The following DYSF variants were observed in gnomAD, a reference collection of about 807,000 sequenced individuals.
The protein encoded by DYSF is dystrophy-associated fer-1-like 1.
A neutral mutation model predicts 274.9 loss-of-function variants in DYSF; 212 were observed. The ratio of observed to expected loss-of-function variants is 0.77; its 90% CI spans 0.69 to 0.86. The LOEUF is 0.86. Among genes scored for constraint, DYSF ranks in the 40% least tolerant of loss-of-function variants. The pLI is 0.00. For synonymous variants in DYSF, 1,091 were observed against 1,078.7 expected, an observed-to-expected ratio of 1.01 and a Z score of -0.22; for missense variants, 2,666 against 2,783.2, an observed-to-expected ratio of 0.96 and a Z score of 0.95.
At position 71,570,466 on chromosome 2, in the gene DYSF, C is replaced by G; in HGVS notation, c.3085+132C>G. The stretch of plus-strand genomic sequence containing the variant: ...GGACGCTTCTTGAAGGCACCCCCCA[C>G]TCCAAGCTGCAAATTAGGACCGAGA... On this transcript the variant is annotated intron_variant, in intron 28 of 55. Transcript: ENST00000410020. The G allele has an allele frequency of 2.8e-6, 4 of 1,444,576 alleles. No homozygotes were observed. The East Asian group carries it at 7.3e-5, about 26-fold the overall frequency. 89.5% of individuals were successfully genotyped at this position (1,444,576 alleles called of 1,614,324 possible).
intron 40 of DYSF, among the ~76,000 whole-genome samples, chr2:71,619,912 C>G (rs1430266376): frequency 2.0e-5 from 3 of 152,188 alleles, no homozygotes; most frequent in African/African-American, 7.2e-5. Context: ...GATTGATTCA[C>G]AGTACTGGGA....
chr2:71,569,741 G>A, intron 26 of DYSF, 79 bp from the exon 27 acceptor site: 1 of 1,241,460 alleles, frequency 8.1e-7, no homozygotes, highest in Non-Finnish European at 1.2e-6. Context: ...CATACGCAGG[G>A]GTGCTCTCCA....
intron 42 of DYSF, among the ~76,000 whole-genome samples, chr2:71,645,826 T>C (rs537057211): frequency 6.6e-6 from 1 of 152,258 alleles, no homozygotes; most frequent in East Asian, 1.9e-4. Context: ...GGAGACTCTG[T>C]ACCCCGCAAT....
Position 71,612,637 on chromosome 2 carries a change from C to A in DYSF, c.4222-4C>A. 1 of 1,613,916 alleles carries A rather than the reference C, an allele frequency of 6.2e-7. No homozygotes were observed. Among genetic ancestry groups the A allele is most frequent in the Non-Finnish European group, 8.5e-7 (1 of 1,179,838 alleles). On this transcript the variant is annotated splice_region_variant and splice_polypyrimidine_tract_variant and intron_variant, in intron 38 of 55. Coordinates refer to ENST00000410020, the MANE Select transcript of DYSF (RefSeq NM_001130987.2). The stretch of plus-strand genomic sequence containing the variant: ...GGCCAGTGCGTTCTTCCTCCTCCAC[C>A]CAGATGCTGCCCAGGGAGGAGCTCT...
chr2:71,624,260 T>A (rs75596385), intron 41 of DYSF, among the ~76,000 whole-genome samples: 4,871 of 152,296 alleles, frequency 0.032, 245 homozygotes, highest in African/African-American at 0.11. Context: ...AGTCAGTGGT[T>A]CTGGACCTCA....
At chr2:71,656,070 T>G in intron 42 of DYSF, 92 bp from the exon 43 acceptor site, 1 of 1,487,170 alleles carries the variant, frequency 6.7e-7, no homozygotes, top group Non-Finnish European at 9.4e-7. Context: ...CACACTGTCA[T>G]GTTTCCCCTC....
chr2:71,649,770 A>G (rs562390021), intron 42 of DYSF, among the ~76,000 whole-genome samples: 1 of 152,342 alleles, frequency 6.6e-6, no homozygotes, highest in East Asian at 1.9e-4. Context: ...AAGACCAAAC[A>G]TATCTGTCTT....
chr2:71,657,443 G>A (rs1457230485), intron 43 of DYSF, among the ~76,000 whole-genome samples: 3 of 152,180 alleles, frequency 2.0e-5, no homozygotes, highest in Non-Finnish European at 2.9e-5. Flanking sequence ...TCTGGAGGAA[G>A]GTGGCCCTCT....
At position 71,644,069 on chromosome 2, in the gene DYSF, G is replaced by T. The variant is rs767416401; in HGVS notation, c.4626+6G>T. The T allele has an allele frequency of 1.2e-6, 2 of 1,606,368 alleles. No homozygotes were observed. The highest frequency in any genetic ancestry group is 1.7e-6 in the Non-Finnish European group (2 of 1,175,730). On this transcript the variant is annotated splice_donor_region_variant and intron_variant, in intron 42 of 55. Transcript: ENST00000410020. ...AGGATTTTGACACCCTGAAGGTAAG[G>T]CCTCTCTTCAGTCTGACAGTCGGTG... is the stretch of plus-strand genomic sequence containing the variant.
intron 1 of DYSF, among the ~76,000 whole-genome samples, chr2:71,459,013 A>C (rs1411242144): frequency 1.3e-5 from 2 of 152,100 alleles, no homozygotes; most frequent in Admixed American, 1.3e-4. Context: ...TGTGGGTTCT[A>C]CCCTCTTGCT....
intron 41 of DYSF, among the ~76,000 whole-genome samples, chr2:71,640,747 G>C (rs1015725782): frequency 1.5e-5 from 2 of 136,126 alleles, no homozygotes; most frequent in African/African-American, 6.6e-5. Flanking sequence ...ATCCGTGTGT[G>C]TGTGTGTGTG....
At position 71,499,187 on chromosome 2, in the gene DYSF, C is replaced by T. The variant is rs2084722794; in HGVS notation, c.240-4027C>T. ...CAGAGATCTTATATTATTGCTTAAT[C>T]GCCCATATAGATTCTAACTTTCCTC... On this transcript the variant is annotated intron_variant, in intron 3 of 55. Coordinates refer to ENST00000410020, the MANE Select transcript of DYSF (RefSeq NM_001130987.2). Among the ~76,000 whole-genome samples, 4 of 152,162 alleles carry T rather than the reference C, an allele frequency of 2.6e-5. No individual in the cohort carries two copies. The South Asian group carries it at 6.2e-4, about 24-fold the overall frequency.
rs77620053 is a variant in DYSF at position 71,548,310 on chromosome 2, C to T, written c.1577-2731C>T. Among the ~76,000 whole-genome samples, 1,469 of 152,326 alleles carry T rather than the reference C, an allele frequency of 9.6e-3. 23 individuals are homozygous for T. Among genetic ancestry groups the T allele is most frequent in the African/African-American group, 0.034 (1,412 of 41,570 alleles). On this transcript the variant is annotated intron_variant, in intron 17 of 55. Transcript: ENST00000410020. Reference sequence around the variant, plus strand: ...CATTCTTCCTTCACAAAGTTTTCCTCAACCCTTGACTTCTGACTGCAGTCA... The same window carrying T: ...CATTCTTCCTTCACAAAGTTTTCCTTAACCCTTGACTTCTGACTGCAGTCA...
At position 71,574,268 on chromosome 2, in the gene DYSF, A is replaced by G. The variant is rs775685282; in HGVS notation, c.3299A>G (p.Glu1100Gly). The change falls in exon 30 of 56, where the codon GAG (glutamate) becomes GGG (glycine). Residue 1100 changes from glutamate (E) to glycine (G), a missense_variant. Physicochemically the swap from Glu to Gly is moderately conservative, Grantham distance 98. Transcript: ENST00000410020. ...ASLFGWKFHL[E>G]YRKTDAFRRR... Reference sequence around the variant, plus strand: ...CTTTTTGGCTGGAAGTTCCACCTCGAGTACCGCAAGACAGATGCCTTCCGC... The same window carrying G: ...CTTTTTGGCTGGAAGTTCCACCTCGGGTACCGCAAGACAGATGCCTTCCGC... 2 of 1,614,118 alleles carry G rather than the reference A, an allele frequency of 1.2e-6. No homozygotes were observed. Among genetic ancestry groups the G allele is most frequent in the Admixed American group, 3.3e-5 (2 of 60,030 alleles).
chr2:71,472,840 C>T (rs2082133347), intron 1 of DYSF, among the ~76,000 whole-genome samples: 1 of 152,174 alleles, frequency 6.6e-6, no homozygotes, highest in Non-Finnish European at 1.5e-5. Flanking sequence ...GTTGCAAGTG[C>T]TCTTTATGTA....
intron 1 of DYSF, among the ~76,000 whole-genome samples, chr2:71,480,125 T>G (rs2082764366): frequency 1.3e-5 from 2 of 152,352 alleles, no homozygotes; most frequent in South Asian, 4.1e-4. Flanking sequence ...ATCTGCTTTC[T>G]GTCTCTACAG....
chr2:71,486,089 C>T (rs1331168805), intron 3 of DYSF, among the ~76,000 whole-genome samples: 1 of 152,132 alleles, frequency 6.6e-6, no homozygotes, highest in Non-Finnish European at 1.5e-5. Flanking sequence ...TTGCAACTGT[C>T]CTCAGGCCTC....
chr2:71,653,553 C>A lies in DYSF; in HGVS notation c.4627-2609C>A, dbSNP rs926474179. ...GAAACCATCATTCTCAGCAAACTAT[C>A]GCAAGGACAAAAAACCAAACACCGC... is the stretch of plus-strand genomic sequence containing the variant. On this transcript the variant is annotated intron_variant, in intron 42 of 55. Transcript: ENST00000410020. 6.6e-5 allele frequency among the ~76,000 whole-genome samples: 10 copies of A among 151,210 alleles called. No individual in the cohort carries two copies. In the South Asian group the frequency reaches 1.0e-3, roughly 16 times the overall value.
At chr2:71,525,641 T>C (rs996874131) in intron 12 of DYSF, among the ~76,000 whole-genome samples, 1 of 152,216 alleles carries the variant, frequency 6.6e-6, no homozygotes, top group Non-Finnish European at 1.5e-5. Flanking sequence ...ATTTTTGTTA[T>C]TACTGTTCCA....
Sources: gnomAD v4.1 joint callset for allele counts (sites outside exome capture counted in the v4.1 genomes callset) on GRCh38, gnomAD v4.1.1 for gene constraint, MANE v1.5 for transcripts, NCBI Gene and HGNC (gene_info 2026-07-23, HGNC 2026-07-21) for gene names.